Variants in MATN1 observed in about 807,000 individuals in gnomAD.
MATN1 encodes the protein matrilin-1.
MATN1 carries 34 observed loss-of-function variants against 41.3 expected under a neutral mutation model. The ratio of observed to expected loss-of-function variants is 0.82; its 90% confidence interval spans 0.63 to 1.10. The LOEUF is 1.10. Among genes scored for constraint, MATN1 ranks in the 50% least tolerant of loss-of-function variants. The probability of loss-of-function intolerance (pLI) is 0.00; values close to 1 mark genes in which losing one functional copy is unlikely to be tolerated. For missense variants in MATN1, 602 were observed against 662.4 expected (o/e 0.91, Z 1.00); for synonymous variants, 264 against 278.7 (o/e 0.95, Z 0.53).
chr1:30,713,806 T>A, intron 7 of MATN1, 175 bp from the exon 8 acceptor site: 1 of 650,914 alleles, frequency 1.5e-6, no homozygotes, highest in South Asian at 1.8e-5. Flanking sequence ...CCAGTTACTG[T>A]GAGCCACGAG....
At position 30,711,327 on chromosome 1, in the gene MATN1, G is replaced by T. The variant is rs1226249257; in HGVS notation, c.*2255C>A. 6.6e-6 allele frequency: 1 copy of T among 152,150 alleles called. No homozygotes were observed. The highest frequency in any genetic ancestry group is 2.4e-5 in the African/African-American group (1 of 41,428). The allele number at this position is 152,150 out of a possible 1,614,324, so 9.4% of individuals were successfully genotyped here. On this transcript the variant is annotated 3_prime_UTR_variant, in exon 8 of 8. Transcript: ENST00000373765. ...AAAATTCAAAAAAACAAAATTACAGGTTACAAAGTAACTTGCCATCTGTCA... is the reference window on the plus strand; with the variant it reads ...AAAATTCAAAAAAACAAAATTACAGTTTACAAAGTAACTTGCCATCTGTCA...
In MATN1 at chr1:30,718,842, G is replaced by T. The variant is rs1337414737; in HGVS notation, c.557C>A (p.Ala186Asp). 6.2e-7 allele frequency: 1 copy of T among 1,608,840 alleles called. No individual in the cohort carries two copies. Among genetic ancestry groups the T allele is most frequent in the Non-Finnish European group, 8.5e-7 (1 of 1,178,790 alleles). The part of the protein sequence containing the change: ...FAIGVGSVDK[A>D]TLRQIASEPQ... ...CTCGCTGGCGATCTGCCGCAGCGTGGCCTTGTCCACGCTGCCCACTCCGAT... is the reference window on the plus strand; with the variant it reads ...CTCGCTGGCGATCTGCCGCAGCGTGTCCTTGTCCACGCTGCCCACTCCGAT... Residue 186 changes from alanine (A) to aspartate (D), a missense_variant, in exon 3 of 8, where the codon GCC becomes GAC. Physicochemically the swap from Ala to Asp is moderately radical, Grantham distance 126. Coordinates refer to ENST00000373765, the MANE Select transcript of MATN1 (RefSeq NM_002379.3).
At chr1:30,723,373 C>A (rs575688560) in intron 1 of MATN1, 85 bp downstream of exon 1, 3 of 1,059,802 alleles carry the variant, frequency 2.8e-6, no homozygotes, top group African/African-American at 3.4e-5. Flanking sequence ...CCCGTGTGCT[C>A]CCTGCCATAT....
chr1:30,714,810 G>A (rs1317407202), intron 6 of MATN1, among the ~76,000 whole-genome samples: 3 of 152,192 alleles, frequency 2.0e-5, no homozygotes, highest in Admixed American at 1.3e-4. Flanking sequence ...GAGAGGACCA[G>A]AGAGGCAGTA....
At position 30,714,142 on chromosome 1, in the gene MATN1, G is replaced by C. The variant is rs543052248; in HGVS notation, c.1441+105C>G. 5.3e-5 allele frequency: 48 copies of C among 907,518 alleles called. No individual in the cohort carries two copies. In the East Asian group the frequency reaches 1.2e-3, roughly 24 times the overall value. The allele number at this position is 907,518 out of a possible 1,614,324, so 56.2% of individuals were successfully genotyped here. The stretch of plus-strand genomic sequence containing the variant: ...AATGCAGCCCATCAGCAGTAAGCAG[G>C]CCAAGAGAAGCCTGCCCAACTGACC... On this transcript the variant is annotated intron_variant, in intron 7 of 7. Coordinates refer to ENST00000373765, the MANE Select transcript of MATN1 (RefSeq NM_002379.3).
At position 30,723,581 on chromosome 1, in the gene MATN1, C is replaced by T. The variant is rs1351377149; in HGVS notation, c.-30G>A. On this transcript the variant is annotated 5_prime_UTR_variant, in exon 1 of 8. In the 5' UTR this introduces an upstream ATG that the reference lacks. Transcript: ENST00000373765. ...CTGGCAGCACGGGCAGCAGCCGGCA[C>T]GGTTGTGGGACCAGTGGGGTCCAGG... The T allele has an allele frequency of 9.3e-6, 14 of 1,507,332 alleles. No individual in the cohort carries two copies. The highest frequency in any genetic ancestry group is 5.2e-5 in the East Asian group (2 of 38,818). 93.4% of individuals were successfully genotyped at this position (1,507,332 alleles called of 1,614,324 possible).
chr1:30,717,187 T>C (rs1639628785), intron 3 of MATN1, among the ~76,000 whole-genome samples: 2 of 152,238 alleles, frequency 1.3e-5, no homozygotes, highest in South Asian at 4.1e-4. Context: ...CTTTAGTCTG[T>C]TTAGTTCACT....
At position 30,716,291 on chromosome 1, in the gene MATN1, G is replaced by A. The variant is rs1220908914; in HGVS notation, c.825C>T (p.Asp275=). The A allele has an allele frequency of 3.1e-6, 5 of 1,613,932 alleles. No individual in the cohort carries two copies. The highest frequency in any genetic ancestry group is 1.1e-5 in the South Asian group (1 of 91,094). The change falls in exon 5 of 8, where the codon GAC becomes GAT. Residue 275 remains aspartate, a synonymous_variant. Coordinates refer to ENST00000373765, the MANE Select transcript of MATN1 (RefSeq NM_002379.3). ...CSGGGGSSAT[D]LVFLIDGSKS... ...TGGATCCGTCAATGAGGAAGACCAG[G>A]TCAGTGGCCGAGCTGCCACCACCAC...
intron 1 of MATN1, among the ~76,000 whole-genome samples, chr1:30,722,279 A>G (rs1383220535): frequency 1.3e-5 from 2 of 152,256 alleles, no homozygotes; most frequent in African/African-American, 4.8e-5. Context: ...GGCCTCTTTC[A>G]TCTGAGCATC....
intron 2 of MATN1, chr1:30,719,331 G>T (rs1412363726): frequency 8.4e-6 from 2 of 239,360 alleles, no homozygotes; most frequent in South Asian, 2.3e-4. Flanking sequence ...GCCCCCGGGA[G>T]GCCCGGCCGG....
In MATN1 at chr1:30,714,338, C is replaced by A; in HGVS notation, c.1361-11G>T. The A allele has an allele frequency of 6.2e-7, 1 of 1,604,208 alleles. No individual in the cohort carries two copies. The highest frequency in any genetic ancestry group is 8.5e-7 in the Non-Finnish European group (1 of 1,174,406). On this transcript the variant is annotated splice_polypyrimidine_tract_variant and intron_variant, in intron 6 of 7. Coordinates refer to ENST00000373765, the MANE Select transcript of MATN1 (RefSeq NM_002379.3). Reference sequence around the variant, plus strand: ...CACACGGGTCTTCCTCTGCAGGGGACAAGGAGGAGGGAAAGAGAAAGGAAC... The same window carrying A: ...CACACGGGTCTTCCTCTGCAGGGGAAAAGGAGGAGGGAAAGAGAAAGGAAC...
chr1:30,713,813 C>T (rs1639583435), intron 7 of MATN1, 182 bp from the exon 8 acceptor site: 5 of 642,498 alleles, frequency 7.8e-6, no homozygotes, highest in Admixed American at 2.4e-5. Context: ...CTGTGAGCCA[C>T]GAGTGCCCAG....
chr1:30,718,932 C>A lies in MATN1; in HGVS notation c.467G>T (p.Arg156Met). ...SKVVIVVTDG[R>M]PQDSVQDVSA... ...CACGTCCTGCACGCTGTCCTGGGGCCTCCCGTCTGTCACCACGATGACCAC... is the reference window on the plus strand; with the variant it reads ...CACGTCCTGCACGCTGTCCTGGGGCATCCCGTCTGTCACCACGATGACCAC... Residue 156 changes from arginine (R) to methionine (M), a missense_variant, in exon 3 of 8, where the codon AGG (arginine) becomes ATG (methionine). Arg to Met is a moderately conservative substitution (Grantham distance 91, BLOSUM62 -1). Coordinates refer to ENST00000373765, the MANE Select transcript of MATN1 (RefSeq NM_002379.3). 1 of 1,526,488 alleles carries A rather than the reference C, an allele frequency of 6.6e-7. No homozygotes were observed. Among genetic ancestry groups the A allele is most frequent in the Non-Finnish European group, 8.8e-7 (1 of 1,141,502 alleles). 94.6% of individuals were successfully genotyped at this position (1,526,488 alleles called of 1,614,324 possible).
chr1:30,718,931 C>T lies in MATN1; in HGVS notation c.468G>A (p.Arg156=). Residue 156 remains arginine (R), a synonymous_variant, in exon 3 of 8, where the codon AGG becomes AGA. Coordinates refer to ENST00000373765, the MANE Select transcript of MATN1 (RefSeq NM_002379.3). ...SKVVIVVTDG[R]PQDSVQDVSA... Reference sequence around the variant, plus strand: ...ACACGTCCTGCACGCTGTCCTGGGGCCTCCCGTCTGTCACCACGATGACCA... The same window carrying T: ...ACACGTCCTGCACGCTGTCCTGGGGTCTCCCGTCTGTCACCACGATGACCA... The T allele has an allele frequency of 6.5e-7, 1 of 1,527,656 alleles. No individual in the cohort carries two copies. The highest frequency in any genetic ancestry group is 8.8e-7 in the Non-Finnish European group (1 of 1,142,402). 94.6% of individuals were successfully genotyped at this position (1,527,656 alleles called of 1,614,324 possible).
chr1:30,716,002 C>A lies in MATN1; in HGVS notation c.1114G>T (p.Ala372Ser). 1 of 1,614,230 alleles carries A rather than the reference C, an allele frequency of 6.2e-7. No homozygotes were observed. The highest frequency in any genetic ancestry group is 8.5e-7 in the Non-Finnish European group (1 of 1,180,046). The change falls in exon 5 of 8, where the codon GCT becomes TCT. Residue 372 changes from alanine to serine, a missense_variant. By Grantham distance (99) the Ala-to-Ser change is moderately conservative. Coordinates refer to ENST00000373765, the MANE Select transcript of MATN1 (RefSeq NM_002379.3). ...CCCACCTTCTGGGCCCCGGGCCTAG[C>A]CCCACTGGACACAGTGAAGGAATTG... Reference protein sequence around the residue: ...IDNSFTVSSGARPGAQKVGIV... With the variant: ...IDNSFTVSSGSRPGAQKVGIV...
intron 1 of MATN1, 106 bp from the exon 2 acceptor site, chr1:30,721,857 G>T: frequency 1.2e-6 from 1 of 852,930 alleles, no homozygotes; most frequent in Non-Finnish European, 1.8e-6. Context: ...GAGGCCTCGG[G>T]CCCAGTAGGC....
intron 7 of MATN1, chr1:30,713,833 G>T (rs990880136): frequency 4.9e-6 from 3 of 617,690 alleles, no homozygotes; most frequent in Non-Finnish European, 8.8e-6. Context: ...GCCCTGCTCA[G>T]TTGCAGATTT....
At chr1:30,714,876 G>T (rs1639595731) in intron 6 of MATN1, among the ~76,000 whole-genome samples, 1 of 152,202 alleles carries the variant, frequency 6.6e-6, no homozygotes, top group South Asian at 2.1e-4. Context: ...CTTTGGCCTT[G>T]TTTATCCCAT....
Position 30,713,499 on chromosome 1 carries a change from G to C in MATN1, c.*83C>G. 7.1e-7 allele frequency: 1 copy of C among 1,415,320 alleles called. No individual in the cohort carries two copies. Among genetic ancestry groups the C allele is most frequent in the Non-Finnish European group, 9.8e-7 (1 of 1,022,984 alleles). 87.7% of individuals were successfully genotyped at this position (1,415,320 alleles called of 1,614,324 possible). ...CCAGACACACCCCCTCCCACCCCCG[G>C]GCTGGCTTCCCTCACTAAAATGGTA... is the stretch of plus-strand genomic sequence containing the variant. On this transcript the variant is annotated 3_prime_UTR_variant, in exon 8 of 8. Transcript: ENST00000373765.
Sources: gnomAD v4.1 joint callset for allele counts (sites outside exome capture counted in the v4.1 genomes callset) on GRCh38, gnomAD v4.1.1 for gene constraint, MANE v1.5 for transcripts, NCBI Gene and HGNC (gene_info 2026-07-23, HGNC 2026-07-21) for gene names.